Variants in MSH3 observed in about 807,000 individuals in gnomAD.
MSH3 encodes DNA mismatch repair protein Msh3.
In MSH3, 106 loss-of-function variants were observed where a neutral mutation model predicts 123.3. The observed-to-expected ratio is 0.86, with a 90% CI of 0.73 to 1.01. The LOEUF is 1.01. Among genes scored for constraint, MSH3 ranks in the 50% least tolerant of loss-of-function variants. The probability of loss-of-function intolerance (pLI) is 0.00; values close to 1 mark genes in which losing one functional copy is unlikely to be tolerated. For synonymous variants in MSH3, 515 were observed against 481.4 expected (o/e 1.07, Z -0.91); for missense variants, 1,459 against 1,347.6 (o/e 1.08, Z -1.29).
Position 80,784,079 on chromosome 5 carries a change from G to A in MSH3, c.2436-3486G>A, listed in dbSNP as rs1744456157. 2.6e-5 allele frequency among the ~76,000 whole-genome samples: 4 copies of A among 151,728 alleles called. No individual in the cohort carries two copies. The South Asian group carries it at 8.3e-4, about 32-fold the overall frequency. ...ACAAAAATTTGCTGGGTGTGGTGGT[G>A]CATGCCTATAATCCCAGCTACTCTG... On this transcript the variant is annotated intron_variant, in intron 17 of 23. Coordinates refer to ENST00000265081, the MANE Select transcript of MSH3 (RefSeq NM_002439.5).
At chr5:80,672,960 T>G (rs996247738) in intron 6 of MSH3, 102 bp downstream of exon 6, 3 of 892,690 alleles carry the variant, frequency 3.4e-6, no homozygotes, top group Non-Finnish European at 5.6e-6. Context: ...CTTTGGGAAC[T>G]TTTTAGATGA....
chr5:80,672,977 A>C, intron 6 of MSH3, 119 bp downstream of exon 6: 1 of 791,774 alleles, frequency 1.3e-6, no homozygotes, highest in Admixed American at 1.8e-5. Context: ...ATGAGCTGAG[A>C]GGCATTAAGG....
intron 12 of MSH3, among the ~76,000 whole-genome samples, chr5:80,744,948 A>G (rs1176939129): frequency 2.6e-5 from 4 of 152,174 alleles, no homozygotes; most frequent in Non-Finnish European, 5.9e-5. Flanking sequence ...GGCTGATATC[A>G]TCAGAGCTGG....
chr5:80,669,274 CTCT>C (rs1749643507), intron 3 of MSH3, among the ~76,000 whole-genome samples: 1 of 152,070 alleles, frequency 6.6e-6, no homozygotes, highest in African/African-American at 2.4e-5. Context: ...TCACTCTCCC[CTCT>C]TCTTTTTGGT....
intron 22 of MSH3, among the ~76,000 whole-genome samples, chr5:80,870,168 C>G (rs1016094477): frequency 1.0e-5 from 1 of 98,716 alleles, no homozygotes; most frequent in African/African-American, 4.2e-5. Flanking sequence ...GAGCGAAACT[C>G]CGTCTCAAAA....
intron 13 of MSH3, among the ~76,000 whole-genome samples, chr5:80,763,108 A>T (rs746066988): frequency 4.4e-4 from 67 of 152,148 alleles, no homozygotes; most frequent in Non-Finnish European, 6.3e-4. Flanking sequence ...CGGCCTCCCA[A>T]AGTGCTGGGA....
chr5:80,808,884 C>CTATATATATATATATATAGATAT (rs1561485262), intron 19 of MSH3, among the ~76,000 whole-genome samples: 3 of 118,676 alleles, frequency 2.5e-5, no homozygotes, highest in South Asian at 5.1e-4. Context: ...TATATATATA[C>CTATATATATATATATATAGATAT]ACAATCTAAA....
At chr5:80,843,742 G>A (rs1302886528) in intron 20 of MSH3, among the ~76,000 whole-genome samples, 1 of 152,030 alleles carries the variant, frequency 6.6e-6, no homozygotes, top group Non-Finnish European at 1.5e-5. Context: ...TGTGGGATCG[G>A]TGGTAATGTC....
At chr5:80,738,960 G>A (rs774487155) in intron 10 of MSH3, among the ~76,000 whole-genome samples, 13 of 152,218 alleles carry the variant, frequency 8.5e-5, no homozygotes, top group Non-Finnish European at 1.8e-4. Context: ...TATGGGGACT[G>A]AGCCCTCACT....
chr5:80,774,685 T>A (rs1744269793), intron 15 of MSH3, among the ~76,000 whole-genome samples: 1 of 152,124 alleles, frequency 6.6e-6, no homozygotes, highest in South Asian at 2.1e-4. Context: ...ATGGAGGTCA[T>A]TATGTTAAGG....
chr5:80,840,837 AT>A (rs563935601), intron 20 of MSH3, among the ~76,000 whole-genome samples: 98 of 151,474 alleles, frequency 6.5e-4, no homozygotes, highest in African/African-American at 2.1e-3. Flanking sequence ...GAGTGAGAAC[AT>A]GCAGTATTTG....
chr5:80,698,660 T>TTTTGGAG (rs1165464336), intron 8 of MSH3, among the ~76,000 whole-genome samples: 1 of 152,098 alleles, frequency 6.6e-6, no homozygotes, highest in Admixed American at 6.6e-5. Context: ...AGAAAGGGTG[T>TTTTGGAG]ATAAAGCTGG....
intron 16 of MSH3, among the ~76,000 whole-genome samples, chr5:80,777,401 A>G (rs1744325432): frequency 6.6e-6 from 1 of 152,094 alleles, no homozygotes; most frequent in African/African-American, 2.4e-5. Context: ...CCTGTACCAC[A>G]GCTAATGAAT....
intron 10 of MSH3, among the ~76,000 whole-genome samples, chr5:80,739,268 A>G (rs187651491): frequency 1.3e-5 from 2 of 152,364 alleles, no homozygotes; most frequent in Non-Finnish European, 2.9e-5. Flanking sequence ...CTATCAGCCA[A>G]ACTTCCAACT....
chr5:80,672,642 A>T lies in MSH3; in HGVS notation c.910-99A>T. ...TACATCTGAACGTTGTGGACTGATT[A>T]TTTTAACCATTTCAGAATTGACGTT... is the stretch of plus-strand genomic sequence containing the variant. On this transcript the variant is annotated intron_variant, in intron 5 of 23. Coordinates refer to ENST00000265081, the MANE Select transcript of MSH3 (RefSeq NM_002439.5). 3.0e-6 allele frequency: 3 copies of T among 1,002,238 alleles called. No individual in the cohort carries two copies. The South Asian group carries it at 3.9e-5, about 13-fold the overall frequency. 62.1% of individuals were successfully genotyped at this position (1,002,238 alleles called of 1,614,324 possible). A position where few individuals can be genotyped will look rare whatever the true frequency, so the allele number is the denominator to read the frequency against.
At chr5:80,727,196 A>G (rs1743317098) in intron 9 of MSH3, among the ~76,000 whole-genome samples, 1 of 152,202 alleles carries the variant, frequency 6.6e-6, no homozygotes, top group Admixed American at 6.5e-5. Flanking sequence ...ATATTTGGTC[A>G]TTTTTACCAC....
At chr5:80,753,265 C>T (rs143229210) in intron 12 of MSH3, among the ~76,000 whole-genome samples, 30 of 152,210 alleles carry the variant, frequency 2.0e-4, no homozygotes, top group Admixed American at 9.2e-4. Flanking sequence ...CCAAGGCTTC[C>T]AGGGATGGCA....
At chr5:80,792,123 A>G (rs141357236) in intron 18 of MSH3, among the ~76,000 whole-genome samples, 1 of 152,366 alleles carries the variant, frequency 6.6e-6, no homozygotes, top group East Asian at 1.9e-4. Flanking sequence ...AATTACATCT[A>G]GAAATAATTT....
At chr5:80,692,579 GAGAGATAAAC>G (rs1750318277) in intron 8 of MSH3, among the ~76,000 whole-genome samples, 5 of 86,966 alleles carry the variant, frequency 5.7e-5, no homozygotes, top group Non-Finnish European at 1.4e-4. Context: ...TGTTTATATA[GAGAGATAAAC>G]ATGTATATGT....
Sources: gnomAD v4.1 joint callset for allele counts (sites outside exome capture counted in the v4.1 genomes callset) on GRCh38, gnomAD v4.1.1 for gene constraint, MANE v1.5 for transcripts, NCBI Gene and HGNC (gene_info 2026-07-23, HGNC 2026-07-21) for gene names.